The following TECR variants were observed in gnomAD, a reference collection of about 807,000 sequenced individuals.
TECR encodes trans-2,3-enoyl-CoA reductase.
Under a neutral mutation model 50.6 loss-of-function variants are expected in TECR, and 19 were observed. The ratio of observed to expected loss-of-function variants is 0.38; its 90% CI spans 0.26 to 0.55. TECR has a LOEUF of 0.55. TECR is among the 20% of genes least tolerant of loss of function. The pLI is 0.79. For synonymous variants in TECR, 168 were observed against 163.5 expected (o/e 1.03, Z -0.21); for missense variants, 313 against 408.3 (o/e 0.77, Z 2.01).
intron 1 of TECR, among the ~76,000 whole-genome samples, chr19:14,544,634 C>G (rs1053062732): frequency 1.6e-4 from 18 of 113,938 alleles, no homozygotes; most frequent in African/African-American, 5.2e-4. Flanking sequence ...TTTGGCCATT[C>G]CTTTTTTTTT....
intron 1 of TECR, among the ~76,000 whole-genome samples, chr19:14,558,321 T>C (rs2073800311): frequency 1.3e-5 from 2 of 152,070 alleles, no homozygotes; most frequent in African/African-American, 2.4e-5. Context: ...ATTAGTAATA[T>C]CTTCATGACC....
At chr19:14,537,943 A>G (rs2072962377) in intron 1 of TECR, among the ~76,000 whole-genome samples, 1 of 151,948 alleles carries the variant, frequency 6.6e-6, no homozygotes, top group South Asian at 2.1e-4. Context: ...ATGGGGTTTC[A>G]CCATGTTGGC....
In TECR at chr19:14,561,539, G is replaced by A. The variant is rs8113406; in HGVS notation, c.16-986G>A. On this transcript the variant is annotated intron_variant, in intron 1 of 12. Transcript: ENST00000215567. ...GCTGGCACAGGCCTGGCTCTTGGAC[G>A]CAGGAAGCGCCGGGCTTTAGTGGGG... Among the ~76,000 whole-genome samples the A allele has an allele frequency of 9.6e-3, 1,463 of 152,286 alleles. 31 individuals are homozygous for A. The highest frequency in any genetic ancestry group is 0.033 in the African/African-American group (1,363 of 41,552).
At chr19:14,552,791 C>T (rs546618391) in intron 1 of TECR, among the ~76,000 whole-genome samples, 8 of 152,194 alleles carry the variant, frequency 5.3e-5, no homozygotes, top group African/African-American at 1.7e-4. Context: ...CCGCCTCGGC[C>T]TCCCAAAGTG....
rs776974226 is a variant in TECR at position 14,529,616 on chromosome 19, C to T, written c.-81C>T. On this transcript the variant is annotated 5_prime_UTR_variant, in exon 1 of 13. Coordinates refer to ENST00000215567, the MANE Select transcript of TECR (RefSeq NM_138501.6). ...CGCGTTTAGTCTATCGCTGCGGTTGCGAGCGCTGTAGGGAGCCTGTGCTGT... is the reference window on the plus strand; with the variant it reads ...CGCGTTTAGTCTATCGCTGCGGTTGTGAGCGCTGTAGGGAGCCTGTGCTGT... 1 of 1,604,324 alleles carries T rather than the reference C, an allele frequency of 6.2e-7. No homozygotes were observed.
rs377297818 is a variant in TECR at position 14,564,225 on chromosome 19, C to T, written c.427C>T (p.Leu143=). ...CHSFHYIKRL[L]ETLFVHRFSH... is the part of the protein sequence containing the mutation. ...CTCATTCCACTACATCAAGCGCCTG[C>T]TGGAGACGCTCTTCGTGCACCGCTT... Residue 143 remains leucine, a synonymous_variant, in exon 7 of 13, where the codon CTG becomes TTG. Coordinates refer to ENST00000215567, the MANE Select transcript of TECR (RefSeq NM_138501.6). 220 of 1,608,068 alleles carry T rather than the reference C, an allele frequency of 1.4e-4. No individual in the cohort carries two copies. The highest frequency in any genetic ancestry group is 6.2e-4 in the Admixed American group (37 of 59,958).
chr19:14,559,601 A>C (rs2073844542), intron 1 of TECR, among the ~76,000 whole-genome samples: 1 of 152,146 alleles, frequency 6.6e-6, no homozygotes, highest in Non-Finnish European at 1.5e-5. Context: ...AGCCTGGGCA[A>C]CATGGTGAAA....
rs558334882 is a variant in TECR at position 14,556,440 on chromosome 19, T to A, written c.16-6085T>A. Among the ~76,000 whole-genome samples the A allele has an allele frequency of 7.3e-4, 47 of 64,822 alleles. No homozygotes were observed. The South Asian group carries it at 0.019, about 27-fold the overall frequency. 42.5% of individuals were successfully genotyped at this position (64,822 alleles called of 152,430 possible). A position where few individuals can be genotyped will look rare whatever the true frequency, so the allele number is the denominator to read the frequency against. On this transcript the variant is annotated intron_variant, in intron 1 of 12. Coordinates refer to ENST00000215567, the MANE Select transcript of TECR (RefSeq NM_138501.6). Reference sequence around the variant, plus strand: ...AAAACAAAAACAAAAAAAACCACATTGTGACCTCCCCCACAACCTTCTAGT... The same window carrying A: ...AAAACAAAAACAAAAAAAACCACATAGTGACCTCCCCCACAACCTTCTAGT...
chr19:14,563,180 C>CA lies in TECR; in HGVS notation c.67-26_67-25insA, dbSNP rs774386013. The CA allele has an allele frequency of 6.2e-7, 1 of 1,613,776 alleles. No homozygotes were observed. The highest frequency in any genetic ancestry group is 1.7e-5 in the Admixed American group (1 of 60,000). ...GAGTCTGGGCTCCCCGCAGAGCTGA[C>CA]GTCCCTGCGCCTGTGCTTCCCCCAG... On this transcript the variant is annotated intron_variant, in intron 2 of 12. Coordinates refer to ENST00000215567, the MANE Select transcript of TECR (RefSeq NM_138501.6). This position sits in a 1 kb window ranked among gnomAD's most constrained non-coding sequence, Gnocchi z 5.3.
rs73002862 is a variant in TECR at position 14,565,410 on chromosome 19, G to T, written c.753+120G>T. 7,842 of 1,414,054 alleles carry T rather than the reference G, an allele frequency of 5.5e-3. 33 individuals are homozygous for T. Among genetic ancestry groups the T allele is most frequent in the Non-Finnish European group, 6.8e-3 (6,934 of 1,023,206 alleles). 87.6% of individuals were successfully genotyped at this position (1,414,054 alleles called of 1,614,324 possible). On this transcript the variant is annotated intron_variant, in intron 11 of 12. Coordinates refer to ENST00000215567, the MANE Select transcript of TECR (RefSeq NM_138501.6). ...TTTGCCGCCTGCACTGCGAGCATTG[G>T]GAGGTGGAGACCGCGGCCTCTCTGC...
chr19:14,553,410 C>A (rs1480575022), intron 1 of TECR, among the ~76,000 whole-genome samples: 4 of 152,154 alleles, frequency 2.6e-5, no homozygotes, highest in African/African-American at 7.2e-5. Flanking sequence ...TTCCTCCCCA[C>A]CCTGGGTGAC....
At chr19:14,529,882 A>G in intron 1 of TECR, 171 bp downstream of exon 1, 5 of 892,388 alleles carry the variant, frequency 5.6e-6, no homozygotes, top group South Asian at 1.5e-5. Context: ...TCCAATGCGC[A>G]TGTGCGCAGG....
intron 1 of TECR, among the ~76,000 whole-genome samples, chr19:14,551,337 A>C (rs558851358): frequency 1.3e-5 from 2 of 152,238 alleles, no homozygotes; most frequent in East Asian, 3.9e-4. Flanking sequence ...GGCCTCCCAG[A>C]GTACTGGGAT....
chr19:14,530,157 G>C (rs996379804), intron 1 of TECR: 2 of 198,846 alleles, frequency 1.0e-5, no homozygotes, highest in African/African-American at 4.7e-5. Context: ...CCCTTCCCTC[G>C]CCCGGGACGT....
intron 1 of TECR, among the ~76,000 whole-genome samples, chr19:14,533,371 G>C (rs2072746038): frequency 6.6e-6 from 1 of 151,778 alleles, no homozygotes; most frequent in South Asian, 2.1e-4. Context: ...AGTGAGCTGA[G>C]ATCGCACCAC....
chr19:14,565,721 C>G (rs1397012376), intron 12 of TECR, 23 bp from the exon 13 acceptor site: 1 of 1,612,402 alleles, frequency 6.2e-7, no homozygotes, highest in African/African-American at 1.3e-5. Flanking sequence ...CAGCCCCTCC[C>G]TGACGCCCGT....
intron 1 of TECR, among the ~76,000 whole-genome samples, chr19:14,546,541 C>G (rs553275869): frequency 6.6e-6 from 1 of 152,256 alleles, no homozygotes; most frequent in Admixed American, 6.5e-5. Flanking sequence ...GAGCAACCTC[C>G]TGCAGAAATT....
intron 11 of TECR, 76 bp from the exon 12 acceptor site, chr19:14,565,532 CGGCGGGAGGT>C (rs1179706576): frequency 6.5e-7 from 1 of 1,538,958 alleles, no homozygotes. Context: ...AAAGCAGGGG[CGGCGGGAGGT>C]GGCTGGCTGA....
intron 1 of TECR, among the ~76,000 whole-genome samples, chr19:14,535,669 C>T (rs1258806909): frequency 7.8e-6 from 1 of 128,038 alleles, no homozygotes; most frequent in Non-Finnish European, 1.6e-5. Flanking sequence ...CAGGAGAATT[C>T]GTTTGAACCT....
Sources: gnomAD v4.1 joint callset for allele counts (sites outside exome capture counted in the v4.1 genomes callset) on GRCh38, gnomAD v4.1.1 for gene constraint, Gnocchi (gnomAD v3.1) non-coding constraint, MANE v1.5 for transcripts, NCBI Gene and HGNC (gene_info 2026-07-23, HGNC 2026-07-21) for gene names.